TMEM217: variants seen among roughly 807,000 people sequenced by gnomAD.
The protein encoded by TMEM217 is chromosome 6 open reading frame 128.
For synonymous variants in TMEM217, 76 were observed against 88.3 expected, an observed-to-expected ratio of 0.86 and a Z score of 0.78; for missense variants, 204 against 248.8, an observed-to-expected ratio of 0.82 and a Z score of 1.21.
chr6:37,257,055 G>A (rs1170352455), intron 1 of TMEM217, among the ~76,000 whole-genome samples: 1 of 152,208 alleles, frequency 6.6e-6, no homozygotes, highest in Non-Finnish European at 1.5e-5. Context: ...TGATTCACAC[G>A]ATGGAGCAAT....
chr6:37,214,970 G>A (rs1046858480), downstream of TMEM217, among the ~76,000 whole-genome samples: 2 of 152,162 alleles, frequency 1.3e-5, no homozygotes, highest in African/African-American at 4.8e-5. Context: ...CACCTGAATT[G>A]TCTAAAAATA....
chr6:37,227,504 T>C (rs1032700772), intron 1 of TMEM217, among the ~76,000 whole-genome samples: 1 of 152,186 alleles, frequency 6.6e-6, no homozygotes, highest in Non-Finnish European at 1.5e-5. Context: ...TGGAGTGTAG[T>C]GGCGCGATCT....
chr6:37,237,426 C>A (rs166394), intron 1 of TMEM217, among the ~76,000 whole-genome samples: 136,391 of 152,264 alleles, frequency 0.9, 61,129 homozygotes, highest in African/African-American at 0.93. Context: ...TGGTAGCCCA[C>A]TGTAAATATC....
At chr6:37,226,090 T>C (rs1763806621) in intron 1 of TMEM217, among the ~76,000 whole-genome samples, 1 of 152,182 alleles carries the variant, frequency 6.6e-6, no homozygotes, top group Non-Finnish European at 1.5e-5. Flanking sequence ...ACTAGTGATC[T>C]ACTGGGATCT....
chr6:37,237,456 G>C (rs940181490), intron 1 of TMEM217, among the ~76,000 whole-genome samples: 2 of 152,148 alleles, frequency 1.3e-5, no homozygotes, highest in East Asian at 3.8e-4. Flanking sequence ...ACAACACAAG[G>C]CAAGTCGTTT....
rs556628467 is a variant in TMEM217, at chr6:37,229,135, G to A, written c.-11-10094C>T. Among the ~76,000 whole-genome samples the A allele has an allele frequency of 5.3e-5, 8 of 152,082 alleles. 1 individual carries two copies. In the South Asian group the frequency reaches 6.2e-4, roughly 12 times the overall value. Reference sequence around the variant, plus strand: ...TGTAATTGTGTGTATTTATTTCCTCGTTGATAGTTTCAAGAGGGAGGTGTA... The same window carrying A: ...TGTAATTGTGTGTATTTATTTCCTCATTGATAGTTTCAAGAGGGAGGTGTA... On this transcript the variant is annotated intron_variant, in intron 1 of 1. Coordinates refer to ENST00000357219, the Ensembl canonical transcript of TMEM217.
chr6:37,223,363 A>T (rs148161352), intron 1 of TMEM217, among the ~76,000 whole-genome samples: 70 of 152,362 alleles, frequency 4.6e-4, no homozygotes, highest in African/African-American at 1.6e-3. Flanking sequence ...TCTCAAAAGC[A>T]GCCAATGGGC....
At chr6:37,217,085 G>A (rs545908814), downstream of TMEM217, among the ~76,000 whole-genome samples, 22 of 152,324 alleles carry the variant, frequency 1.4e-4, no homozygotes, top group East Asian at 4.1e-3. Context: ...CCTAAGGTCA[G>A]GAATTCAATA....
downstream of TMEM217, among the ~76,000 whole-genome samples, chr6:37,216,891 G>C (rs1267487986): frequency 6.6e-6 from 1 of 152,156 alleles, no homozygotes; most frequent in Non-Finnish European, 1.5e-5. Flanking sequence ...CACCATCTTA[G>C]AAGCAAAGAG....
At chr6:37,251,119 C>T (rs1320684826) in intron 1 of TMEM217, among the ~76,000 whole-genome samples, 5 of 152,210 alleles carry the variant, frequency 3.3e-5, no homozygotes, top group African/African-American at 1.2e-4. Context: ...TGATCTTGTA[C>T]TTCCTAGCCT....
intron 1 of TMEM217, among the ~76,000 whole-genome samples, chr6:37,248,229 T>C (rs1179003392): frequency 3.3e-5 from 5 of 152,164 alleles, no homozygotes; most frequent in Non-Finnish European, 7.4e-5. Context: ...ACTCCTCTAC[T>C]AGATTATACA....
At chr6:37,212,276 C>T (rs897533175) in exon 4 of TMEM217, 12 of 350,958 alleles carry the variant, frequency 3.4e-5, no homozygotes, top group African/African-American at 2.6e-4. Flanking sequence ...CCTGCCCTCT[C>T]CCGAGAATCA....
rs1273775859 is a variant in TMEM217, at chr6:37,246,447, C to T, written c.-12+11121G>A. ...TGAGGCAAACTGTTACTTTTGCTCA[C>T]ATTCCACTGGCCAGAAGTCTTGCAG... On this transcript the variant is annotated intron_variant, in intron 1 of 1. Transcript: ENST00000357219. 2.3e-4 allele frequency among the ~76,000 whole-genome samples: 35 copies of T among 152,172 alleles called. 1 individual carries two copies. The highest frequency in any genetic ancestry group is 2.3e-3 in the Admixed American group (35 of 15,284).
downstream of TMEM217, among the ~76,000 whole-genome samples, chr6:37,215,446 G>A (rs569842270): frequency 4.0e-5 from 6 of 151,700 alleles, no homozygotes; most frequent in East Asian, 1.9e-4. Context: ...ATGGTGGCAC[G>A]CGCCAACTAC....
intron 1 of TMEM217, among the ~76,000 whole-genome samples, chr6:37,234,102 CTTT>C (rs70977637): frequency 2.7e-4 from 34 of 127,742 alleles, no homozygotes; most frequent in Non-Finnish European, 2.4e-4. Context: ...TATTAAATGC[CTTT>C]TTTTTTTTTT....
chr6:37,250,703 G>GCA (rs1238862863), intron 1 of TMEM217, among the ~76,000 whole-genome samples: 1 of 152,152 alleles, frequency 6.6e-6, no homozygotes, highest in Non-Finnish European at 1.5e-5. Flanking sequence ...GCGTGTGCAC[G>GCA]CACACACACA....
intron 1 of TMEM217, among the ~76,000 whole-genome samples, chr6:37,220,056 A>T (rs1763421685): frequency 6.6e-6 from 1 of 152,224 alleles, no homozygotes; most frequent in African/African-American, 2.4e-5. Flanking sequence ...CAACTCAAGA[A>T]GTTAGAGGGA....
chr6:37,213,335 C>T (rs1378349228), downstream of TMEM217, among the ~76,000 whole-genome samples: 1 of 152,312 alleles, frequency 6.6e-6, no homozygotes, highest in African/African-American at 2.4e-5. Flanking sequence ...TTGAGGATAA[C>T]GATGGTATGA....
chr6:37,252,637 A>ATT (rs374265453), intron 1 of TMEM217, among the ~76,000 whole-genome samples: 42 of 71,354 alleles, frequency 5.9e-4, no homozygotes, highest in African/African-American at 1.8e-3. Context: ...ATATATATAT[A>ATT]TTTTTTTTTT....
Sources: gnomAD v4.1 joint callset for allele counts (sites outside exome capture counted in the v4.1 genomes callset) on GRCh38, gnomAD v4.1.1 for gene constraint, MANE v1.5 for transcripts, NCBI Gene and HGNC (gene_info 2026-07-23, HGNC 2026-07-21) for gene names.